SH2D4B: variants seen among roughly 807,000 people sequenced by gnomAD.
SH2D4B encodes the protein SH2 domain-containing protein 4B.
Under a neutral mutation model 61.5 loss-of-function variants are expected in SH2D4B, and 45 were observed. The ratio of observed to expected loss-of-function variants is 0.73; its 90% CI spans 0.58 to 0.94. The LOEUF (loss-of-function observed/expected upper bound fraction) is 0.94, where lower values mean the gene tolerates loss of function less well. Ranked by LOEUF, SH2D4B falls within the 40% of genes least tolerant of loss-of-function variation. The pLI is 0.00. For missense variants in SH2D4B, 572 were observed against 574.2 expected, an observed-to-expected ratio of 1.00 and a Z score of 0.04; for synonymous variants, 224 against 220.4, an observed-to-expected ratio of 1.02 and a Z score of -0.14.
At position 80,538,860 on chromosome 10, in the gene SH2D4B, G is replaced by A. The variant is rs1466349436; in HGVS notation, c.184+345G>A. Among the ~76,000 whole-genome samples, 2 of 152,208 alleles carry A rather than the reference G, an allele frequency of 1.3e-5. No homozygotes were observed. The highest frequency in any genetic ancestry group is 1.9e-4 in the East Asian group (1 of 5,198). ...GGTTGGCAATGGTAGGGTGAACGAC[G>A]GCATATTTGTGACCCTTGCCATTGG... On this transcript the variant is annotated intron_variant, in intron 1 of 7. Transcript: ENST00000646907. This position sits in a 1 kb window ranked among gnomAD's most constrained non-coding sequence, Gnocchi z 4.8.
intron 1 of SH2D4B, among the ~76,000 whole-genome samples, chr10:80,558,939 A>G (rs1564768153): frequency 6.6e-6 from 1 of 152,218 alleles, no homozygotes; most frequent in Non-Finnish European, 1.5e-5. Flanking sequence ...GTCTAACCGG[A>G]GCATGAAGAT....
Position 80,588,570 on chromosome 10 carries a change from T to C in SH2D4B, c.496-60T>C, listed in dbSNP as rs1842286388. 5 of 1,591,834 alleles carry C rather than the reference T, an allele frequency of 3.1e-6. No individual in the cohort carries two copies. In the South Asian group the frequency reaches 5.6e-5, roughly 18 times the overall value. Reference sequence around the variant, plus strand: ...ACTGCAGAATCCCAGAGATATTTCTTTCTCGTTTCTCTGAAGTGTTGTGGT... The same window carrying C: ...ACTGCAGAATCCCAGAGATATTTCTCTCTCGTTTCTCTGAAGTGTTGTGGT... On this transcript the variant is annotated intron_variant, in intron 3 of 7. Coordinates refer to ENST00000646907, the MANE Select transcript of SH2D4B (RefSeq NM_001388272.1).
chr10:80,574,698 A>AT (rs1341763744), intron 3 of SH2D4B, among the ~76,000 whole-genome samples: 1 of 151,660 alleles, frequency 6.6e-6, no homozygotes, highest in Non-Finnish European at 1.5e-5. Flanking sequence ...TTATCAATTA[A>AT]TTAATTAATT....
At chr10:80,587,155 T>G (rs867028078) in intron 3 of SH2D4B, among the ~76,000 whole-genome samples, 4 of 107,418 alleles carry the variant, frequency 3.7e-5, no homozygotes, top group South Asian at 5.3e-4. Context: ...TGTTTTGTTT[T>G]TTTTTTTTTT....
chr10:80,645,506 A>C lies in SH2D4B; in HGVS notation c.*1421A>C, dbSNP rs1174383407. On this transcript the variant is annotated 3_prime_UTR_variant, in exon 8 of 8. Transcript: ENST00000646907. ...ATGAATGGGAGTCATAGGCTGGTAG[A>C]TCGCTTTTTCCTCCTTCTTCCTCCT... The C allele has an allele frequency of 6.6e-6, 1 of 152,224 alleles. No individual in the cohort carries two copies. Among genetic ancestry groups the C allele is most frequent in the Non-Finnish European group, 1.5e-5 (1 of 68,068 alleles). The allele number at this position is 152,224 out of a possible 1,614,324, so 9.4% of individuals were successfully genotyped here.
intron 4 of SH2D4B, among the ~76,000 whole-genome samples, chr10:80,595,991 TG>T (rs2132134810): frequency 1.3e-5 from 2 of 152,272 alleles, no homozygotes; most frequent in South Asian, 4.1e-4. Context: ...GGGAGGGAAA[TG>T]TGGGTGGGGT....
At position 80,640,395 on chromosome 10, in the gene SH2D4B, T is replaced by G. The variant is rs557117416; in HGVS notation, c.1210-3598T>G. Among the ~76,000 whole-genome samples, 3 of 152,344 alleles carry G rather than the reference T, an allele frequency of 2.0e-5. No homozygotes were observed. In the East Asian group the frequency reaches 5.8e-4, roughly 29 times the overall value. On this transcript the variant is annotated intron_variant, in intron 7 of 7. Coordinates refer to ENST00000646907, the MANE Select transcript of SH2D4B (RefSeq NM_001388272.1). ...TCCTGAAGAGTGTTTTCCAACTTGG[T>G]TCCATTCTCCTCGTCACTTTCAGGC...
intron 3 of SH2D4B, among the ~76,000 whole-genome samples, chr10:80,586,922 C>T (rs1046312673): frequency 1.3e-5 from 2 of 150,378 alleles, no homozygotes; most frequent in Admixed American, 6.6e-5. Flanking sequence ...GCCTTAAGAG[C>T]TGTAACACTC....
At chr10:80,568,011 C>G (rs181193750) in intron 1 of SH2D4B, among the ~76,000 whole-genome samples, 1 of 152,224 alleles carries the variant, frequency 6.6e-6, no homozygotes, top group Admixed American at 6.5e-5. Context: ...TCCTTTGTCC[C>G]TTCATCTCTG....
intron 7 of SH2D4B, among the ~76,000 whole-genome samples, chr10:80,636,790 TC>T (rs1275085668): frequency 3.3e-5 from 5 of 152,236 alleles, no homozygotes. Flanking sequence ...GCTCTTTAGT[TC>T]GATAGATCCC....
intron 4 of SH2D4B, 49 bp downstream of exon 4, chr10:80,588,826 C>G: frequency 6.2e-7 from 1 of 1,604,158 alleles, no homozygotes; most frequent in Non-Finnish European, 8.5e-7. Flanking sequence ...CGCCTCCCCA[C>G]CCACCTCCTC....
At chr10:80,553,128 G>C (rs2132107733) in intron 1 of SH2D4B, among the ~76,000 whole-genome samples, 1 of 152,308 alleles carries the variant, frequency 6.6e-6, no homozygotes, top group Middle Eastern at 3.4e-3. Context: ...ATGTTGGCCA[G>C]GCAGGTCTTG....
intron 6 of SH2D4B, among the ~76,000 whole-genome samples, chr10:80,612,775 G>A (rs1842616932): frequency 6.6e-6 from 1 of 152,146 alleles, no homozygotes; most frequent in South Asian, 2.1e-4. Flanking sequence ...TTCATATGCA[G>A]GTTAAACATG....
At chr10:80,553,681 G>A (rs7068369) in intron 1 of SH2D4B, among the ~76,000 whole-genome samples, 32,448 of 152,078 alleles carry the variant, frequency 0.21, 4,171 homozygotes, top group African/African-American at 0.35. Flanking sequence ...TACAAGGTTG[G>A]AGGGAGTGAT....
intron 7 of SH2D4B, among the ~76,000 whole-genome samples, chr10:80,638,262 C>G (rs1840223887): frequency 6.6e-6 from 1 of 152,116 alleles, no homozygotes; most frequent in Non-Finnish European, 1.5e-5. Context: ...TTTGTTGTGT[C>G]TCTGCCAGGC....
chr10:80,621,262 C>T (rs1303449952), intron 6 of SH2D4B, among the ~76,000 whole-genome samples: 1 of 152,224 alleles, frequency 6.6e-6, no homozygotes, highest in Non-Finnish European at 1.5e-5. Context: ...TCCTGCAGTG[C>T]ACAAGGCAGC....
At chr10:80,567,466 C>A (rs1450592592) in intron 1 of SH2D4B, among the ~76,000 whole-genome samples, 1 of 152,194 alleles carries the variant, frequency 6.6e-6, no homozygotes, top group Admixed American at 6.5e-5. Context: ...TCACTGCATC[C>A]AGCTGAAAGT....
At chr10:80,593,604 C>T (rs971324181) in intron 4 of SH2D4B, among the ~76,000 whole-genome samples, 21 of 151,950 alleles carry the variant, frequency 1.4e-4, no homozygotes, top group African/African-American at 5.1e-4. Flanking sequence ...TTTGTGTATT[C>T]CTTATGATTT....
At chr10:80,571,192 G>A (rs530824476) in intron 2 of SH2D4B, among the ~76,000 whole-genome samples, 37 of 152,228 alleles carry the variant, frequency 2.4e-4, no homozygotes, top group Non-Finnish European at 4.3e-4. Context: ...ATCCTTGTAC[G>A]CTTGAGTGAG....
Sources: allele counts gnomAD v4.1 joint callset (sites outside exome capture counted in the v4.1 genomes callset), GRCh38; gene constraint gnomAD v4.1.1; non-coding constraint Gnocchi (gnomAD v3.1); transcripts MANE v1.5; gene names NCBI Gene and HGNC (gene_info 2026-07-23, HGNC 2026-07-21).